The following RSAD1 variants were observed in gnomAD, a reference collection of about 807,000 sequenced individuals.
RSAD1 encodes radical S-adenosyl methionine domain containing 1.
In RSAD1, 34 loss-of-function variants were observed where a neutral mutation model predicts 46.2. The ratio of observed to expected loss-of-function variants is 0.74; its 90% CI spans 0.56 to 0.98. RSAD1 has a LOEUF of 0.98. RSAD1 is among the 50% of genes least tolerant of loss of function. RSAD1 has a pLI of 0.00. For synonymous variants in RSAD1, 260 were observed against 253.5 expected (o/e 1.03, Z -0.24); for missense variants, 635 against 592.3 (o/e 1.07, Z -0.75).
intron 3 of RSAD1, among the ~76,000 whole-genome samples, chr17:50,481,417 T>A (rs1329018323): frequency 6.6e-6 from 1 of 152,242 alleles, no homozygotes; most frequent in African/African-American, 2.4e-5. Flanking sequence ...ATAACTGCTA[T>A]TCAATATAGT....
chr17:50,479,468 C>T (rs1055892540), intron 1 of RSAD1, 161 bp from the exon 2 acceptor site: 2 of 787,500 alleles, frequency 2.5e-6, no homozygotes, highest in African/African-American at 3.5e-5. Flanking sequence ...GATGTAATAA[C>T]CCCAGTGCGA....
intron 1 of RSAD1, chr17:50,479,288 T>G (rs2033349259): frequency 4.3e-6 from 2 of 466,036 alleles, no homozygotes; most frequent in Admixed American, 7.7e-5. Flanking sequence ...AGACAAAATT[T>G]TCTTAAGAGC....
intron 3 of RSAD1, 130 bp from the exon 4 acceptor site, chr17:50,481,961 C>A (rs1477174158): frequency 2.7e-6 from 3 of 1,127,522 alleles, no homozygotes; most frequent in African/African-American, 1.6e-5. Context: ...GCCAGCTTGA[C>A]CTTCCCCCTC....
Position 50,482,587 on chromosome 17 carries a change from A to AGTCT in RSAD1, c.841-55_841-52dup, listed in dbSNP as rs1192866848. The AGTCT allele has an allele frequency of 3.0e-5, 48 of 1,613,334 alleles. 1 individual carries two copies. In the Admixed American group the frequency reaches 4.3e-4, roughly 15 times the overall value. ...ATTCTAACCTGGGGCCCCTTACCTG[A>AGTCT]GTCTAAAAATGAGGCCTGCCCTCTT... On this transcript the variant is annotated intron_variant, in intron 4 of 8. Transcript: ENST00000258955.
intron 6 of RSAD1, 70 bp downstream of exon 6, chr17:50,483,557 CTT>C: frequency 1.3e-6 from 2 of 1,590,168 alleles, no homozygotes; most frequent in Non-Finnish European, 1.7e-6. Context: ...ATTTGTATAT[CTT>C]TTATTTCCTG....
Position 50,480,058 on chromosome 17 carries a change from G to T in RSAD1, c.448G>T (p.Val150Phe), listed in dbSNP as rs1347931988. Residue 150 changes from valine (V) to phenylalanine (F), a missense_variant, in exon 3 of 9, where the codon GTT (valine) becomes TTT (phenylalanine). By Grantham distance (50) the Val-to-Phe change is conservative. Transcript: ENST00000258955. The stretch of plus-strand genomic sequence containing the variant: ...ACTGGCAGAGTTCGGGGCAGCAGGG[G>T]TTAACAGGTTGTCTATAGGCCTCCA... ...SRLAEFGAAG[V>F]NRLSIGLQSL... The T allele has an allele frequency of 2.5e-6, 4 of 1,613,978 alleles. No individual in the cohort carries two copies. In the African/African-American group the frequency reaches 4.0e-5, roughly 16 times the overall value.
At chr17:50,481,150 C>T (rs2033376584) in intron 3 of RSAD1, among the ~76,000 whole-genome samples, 1 of 152,134 alleles carries the variant, frequency 6.6e-6, no homozygotes, top group Non-Finnish European at 1.5e-5. Flanking sequence ...CAAAGAAAGG[C>T]TGAGAATCTA....
chr17:50,482,967 A>C (rs371075362), intron 5 of RSAD1, among the ~76,000 whole-genome samples: 1 of 151,878 alleles, frequency 6.6e-6, no homozygotes, highest in South Asian at 2.1e-4. Flanking sequence ...CCACCCTCAG[A>C]ATTCCCAATT....
chr17:50,479,903 G>C lies in RSAD1; in HGVS notation c.293G>C (p.Gly98Ala). ...VQRVESVFFG[G>A]GTPSLASPHT... is the part of the protein sequence containing the mutation. ...AGGGTGGAGTCTGTGTTCTTTGGTG[G>C]GGGGACCCCCAGTCTAGCCAGTCCC... is the stretch of plus-strand genomic sequence containing the variant. The change falls in exon 3 of 9, where the codon GGG (glycine) becomes GCG (alanine). Residue 98 changes from glycine (G) to alanine (A), a missense_variant. Gly to Ala is a moderately conservative substitution (Grantham distance 60). Transcript: ENST00000258955. 1.2e-6 allele frequency: 2 copies of C among 1,613,626 alleles called. No individual in the cohort carries two copies. The highest frequency in any genetic ancestry group is 1.7e-6 in the Non-Finnish European group (2 of 1,179,592).
intron 3 of RSAD1, among the ~76,000 whole-genome samples, chr17:50,481,396 G>A (rs2033378712): frequency 6.6e-6 from 1 of 152,220 alleles, no homozygotes; most frequent in Non-Finnish European, 1.5e-5. Flanking sequence ...AGGTTAGGGA[G>A]TATAATATCT....
rs779338411 is a variant in RSAD1, at chr17:50,483,189, A to AAAAAAAAAAAG, written c.905-148_905-147insAAAAAAAGAAA. 368 of 270,624 alleles carry AAAAAAAAAAAG rather than the reference A, an allele frequency of 1.4e-3. 1 individual carries two copies. Among genetic ancestry groups the AAAAAAAAAAAG allele is most frequent in the African/African-American group, 6.8e-3 (144 of 21,138 alleles). The allele number at this position is 270,624 out of a possible 1,614,324, so 16.8% of individuals were successfully genotyped here. A position where few individuals can be genotyped will look rare whatever the true frequency, so the allele number is the denominator to read the frequency against. On this transcript the variant is annotated intron_variant, in intron 5 of 8. Coordinates refer to ENST00000258955, the MANE Select transcript of RSAD1 (RefSeq NM_018346.3). Reference sequence around the variant, plus strand: ...CACCACCTCAAAAAAAAAAAAAAAAAAAAGAAAGAAAGAAAGAAAGAAAAG... The same window carrying AAAAAAAAAAAG: ...CACCACCTCAAAAAAAAAAAAAAAAAAAAAAAAAAAGAAAGAAAGAAAGAAAGAAAGAAAAG...
chr17:50,479,300 G>T (rs967328635), intron 1 of RSAD1: 2 of 476,288 alleles, frequency 4.2e-6, no homozygotes, highest in African/African-American at 2.0e-5. Flanking sequence ...CTTAAGAGCA[G>T]TGTTCTGACT....
chr17:50,479,421 A>T lies in RSAD1; in HGVS notation c.136-208A>T, dbSNP rs546251962. ...TCTGCTGGTTGGAAGAGGCAGCGTA[A>T]CAAAGGAGTGAGCCTCAGTTTTCTC... On this transcript the variant is annotated intron_variant, in intron 1 of 8. Transcript: ENST00000258955. 3.4e-4 allele frequency: 202 copies of T among 586,496 alleles called. No individual in the cohort carries two copies. The African/African-American group carries it at 3.5e-3, about 10-fold the overall frequency. 36.3% of individuals were successfully genotyped at this position (586,496 alleles called of 1,614,324 possible).
Position 50,483,457 on chromosome 17 carries a change from G to A in RSAD1, c.1022G>A (p.Arg341Gln), listed in dbSNP as rs552926223. 1.9e-5 allele frequency: 30 copies of A among 1,613,158 alleles called. No homozygotes were observed. The Admixed American group carries it at 3.0e-4, about 16-fold the overall frequency. The change falls in exon 6 of 9, where the codon CGG (arginine) becomes CAG (glutamine). Residue 341 changes from arginine (R) to glutamine (Q), a missense_variant. Physicochemically the swap from Arg to Gln is conservative, Grantham distance 43. Transcript: ENST00000258955. ...GTGATGCTGTTTGGCCATGGCACCC[G>A]GAAGCGTGTCCCCCTGGGCAGGCTG... ...KEVMLFGHGT[R>Q]KRVPLGRLEL...
In RSAD1 at chr17:50,485,776, C is replaced by G. The variant is rs1400756996; in HGVS notation, c.*915C>G. On this transcript the variant is annotated 3_prime_UTR_variant, in exon 9 of 9. Transcript: ENST00000258955. Reference sequence around the variant, plus strand: ...TATGTTTGGGGTGGTAGGAGCCACACAGACTCTTCTGAGCCCCCTCACTCA... The same window carrying G: ...TATGTTTGGGGTGGTAGGAGCCACAGAGACTCTTCTGAGCCCCCTCACTCA... The G allele has an allele frequency of 6.6e-6, 1 of 152,336 alleles. No individual in the cohort carries two copies. The highest frequency in any genetic ancestry group is 6.5e-5 in the Admixed American group (1 of 15,292). The allele number at this position is 152,336 out of a possible 1,614,324, so 9.4% of individuals were successfully genotyped here.
In RSAD1 at chr17:50,479,777, C is replaced by T. The variant is rs1490277574; in HGVS notation, c.269+15C>T. Reference sequence around the variant, plus strand: ...GGGGTGCAACGGTGGGTAGTGGGGGCTGTAGGCAGCGTTTTGGGAAATATT... The same window carrying T: ...GGGGTGCAACGGTGGGTAGTGGGGGTTGTAGGCAGCGTTTTGGGAAATATT... On this transcript the variant is annotated intron_variant, in intron 2 of 8. Coordinates refer to ENST00000258955, the MANE Select transcript of RSAD1 (RefSeq NM_018346.3). The T allele has an allele frequency of 6.3e-7, 1 of 1,597,294 alleles. No homozygotes were observed. The highest frequency in any genetic ancestry group is 8.5e-7 in the Non-Finnish European group (1 of 1,170,474).
intron 3 of RSAD1, among the ~76,000 whole-genome samples, chr17:50,480,967 C>T (rs540402785): frequency 6.6e-6 from 1 of 152,246 alleles, no homozygotes; most frequent in African/African-American, 2.4e-5. Context: ...GTACATACAG[C>T]ACTGTTAACT....
At position 50,484,750 on chromosome 17, in the gene RSAD1, T is replaced by G; in HGVS notation, c.1218T>G (p.Leu406=). The change falls in exon 9 of 9, where the codon CTT becomes CTG. Residue 406 remains leucine, a synonymous_variant. Coordinates refer to ENST00000258955, the MANE Select transcript of RSAD1 (RefSeq NM_018346.3). The part of the protein sequence containing the change: ...RGLLQLDHRG[L]RCSWEGLAVL... The stretch of plus-strand genomic sequence containing the variant: ...AGGCCTCTTGGTTTTCCAGGGGTCT[T>G]CGGTGTTCCTGGGAGGGTCTGGCTG... 6.2e-7 allele frequency: 1 copy of G among 1,613,554 alleles called. No individual in the cohort carries two copies. The highest frequency in any genetic ancestry group is 8.5e-7 in the Non-Finnish European group (1 of 1,179,586).
At chr17:50,479,574 A>G (rs1361159243) in intron 1 of RSAD1, 55 bp from the exon 2 acceptor site, 17 of 1,608,116 alleles carry the variant, frequency 1.1e-5, no homozygotes, top group Non-Finnish European at 1.4e-5. Flanking sequence ...GTGCGACTGA[A>G]CCCTGGAAGT....
Sources: gnomAD v4.1 joint callset for allele counts (sites outside exome capture counted in the v4.1 genomes callset) on GRCh38, gnomAD v4.1.1 for gene constraint, MANE v1.5 for transcripts, NCBI Gene and HGNC (gene_info 2026-07-23, HGNC 2026-07-21) for gene names.